MAMDC2: variants seen among roughly 807,000 people sequenced by gnomAD.
MAMDC2 encodes MAM domain-containing protein 2.
MAMDC2 carries 57 observed loss-of-function variants against 89.8 expected under a neutral mutation model. The ratio of observed to expected loss-of-function variants is 0.63; its 90% confidence interval spans 0.51 to 0.79. The LOEUF is 0.79. MAMDC2 is among the 30% of genes least tolerant of loss of function. MAMDC2 has a pLI of 0.00. For synonymous variants in MAMDC2, 313 were observed against 293.4 expected, an observed-to-expected ratio of 1.07 and a Z score of -0.68; for missense variants, 800 against 820.6, an observed-to-expected ratio of 0.97 and a Z score of 0.31.
chr9:70,093,201 C>T (rs1048887137), intron 2 of MAMDC2, among the ~76,000 whole-genome samples: 4 of 152,136 alleles, frequency 2.6e-5, no homozygotes, highest in Non-Finnish European at 4.4e-5. Context: ...GACAGAATTG[C>T]CTTGCACAAT....
At chr9:70,044,463 TCTCCCGCCCC>T in intron 1 of MAMDC2, 111 bp from the exon 2 acceptor site, 1 of 890,066 alleles carries the variant, frequency 1.1e-6, no homozygotes, top group Non-Finnish European at 1.7e-6. Context: ...ACTGCATCCC[TCTCCCGCCCC>T]CTCCCGCTCG....
At chr9:70,123,441 T>C (rs145796255) in intron 5 of MAMDC2, among the ~76,000 whole-genome samples, 13 of 152,300 alleles carry the variant, frequency 8.5e-5, no homozygotes, top group African/African-American at 3.1e-4. Flanking sequence ...ATTCCGATTC[T>C]TCCTTTAAAA....
intron 11 of MAMDC2, among the ~76,000 whole-genome samples, chr9:70,188,981 TCTTC>T (rs2032821673): frequency 6.6e-6 from 1 of 152,108 alleles, no homozygotes; most frequent in African/African-American, 2.4e-5. Flanking sequence ...ATGCTTCATT[TCTTC>T]CTTCCATTAT....
At chr9:70,160,758 C>T (rs930790296) in intron 9 of MAMDC2, among the ~76,000 whole-genome samples, 9 of 152,008 alleles carry the variant, frequency 5.9e-5, no homozygotes, top group South Asian at 4.2e-4. Context: ...ATGGCTGGTT[C>T]GACATTAGCC....
At chr9:70,213,115 G>C (rs992777820) in intron 11 of MAMDC2, among the ~76,000 whole-genome samples, 2 of 152,134 alleles carry the variant, frequency 1.3e-5, no homozygotes, top group South Asian at 4.1e-4. Context: ...GAATAATCCT[G>C]GTCAAGACTT....
chr9:70,084,028 G>A (rs570552866), intron 2 of MAMDC2, among the ~76,000 whole-genome samples: 7 of 151,950 alleles, frequency 4.6e-5, no homozygotes, highest in South Asian at 2.1e-4. Flanking sequence ...TTGTGATCTC[G>A]AGCCATACAA....
Position 70,088,933 on chromosome 9 carries a change from C to A in MAMDC2, c.149-19278C>A, listed in dbSNP as rs186254320. The A allele has an allele frequency of 7.9e-5, 12 of 152,186 alleles. No individual in the cohort carries two copies. The East Asian group carries it at 2.3e-3, about 29-fold the overall frequency. The allele number at this position is 152,186 out of a possible 1,614,324, so 9.4% of individuals were successfully genotyped here. ...ACGTAAAATCTGAGACCATGCTTTACTGAGAATGTACACTACACCAGGAAT... is the reference window on the plus strand; with the variant it reads ...ACGTAAAATCTGAGACCATGCTTTAATGAGAATGTACACTACACCAGGAAT... On this transcript the variant is annotated intron_variant, in intron 2 of 13. Transcript: ENST00000377182.
At chr9:70,172,891 A>C (rs1269679605) in intron 11 of MAMDC2, 1 of 152,728 alleles carries the variant, frequency 6.5e-6, no homozygotes. Flanking sequence ...AGGATGTTAA[A>C]AATATAACTA....
At position 70,118,297 on chromosome 9, in the gene MAMDC2, A is replaced by AACACACACACACACACACACACACAC. The variant is rs6151026; in HGVS notation, c.643+5191_643+5216dup. On this transcript the variant is annotated intron_variant, in intron 5 of 13. Transcript: ENST00000377182. ...CATTCATTAGCCAACATCCCCACTCAACACACACACACACACACACACACA... is the reference window on the plus strand; with the variant it reads ...CATTCATTAGCCAACATCCCCACTCAACACACACACACACACACACACACACACACACACACACACACACACACACA... Among the ~76,000 whole-genome samples the AACACACACACACACACACACACACAC allele has an allele frequency of 8.1e-4, 114 of 140,538 alleles. 1 individual carries two copies. The highest frequency in any genetic ancestry group is 1.2e-3 in the Non-Finnish European group (76 of 65,788). The allele number at this position is 140,538 out of a possible 152,430, so 92.2% of individuals were successfully genotyped here. A position where few individuals can be genotyped will look rare whatever the true frequency, so the allele number is the denominator to read the frequency against.
chr9:70,181,491 A>T (rs909725856), intron 11 of MAMDC2, among the ~76,000 whole-genome samples: 2 of 152,002 alleles, frequency 1.3e-5, no homozygotes, highest in South Asian at 2.1e-4. Context: ...TAAGCATGGA[A>T]TTTTTTTTCC....
At chr9:70,150,729 C>A (rs2031554103) in intron 9 of MAMDC2, among the ~76,000 whole-genome samples, 1 of 152,204 alleles carries the variant, frequency 6.6e-6, no homozygotes, top group Non-Finnish European at 1.5e-5. Flanking sequence ...TCAAACATGT[C>A]TACTTCTCTC....
chr9:70,066,478 A>G (rs1244446323), intron 2 of MAMDC2, among the ~76,000 whole-genome samples: 7 of 152,084 alleles, frequency 4.6e-5, no homozygotes, highest in Non-Finnish European at 1.0e-4. Context: ...AGAATCTCGC[A>G]GGCTGGTGTA....
chr9:70,216,236 TG>T (rs1200914302), intron 11 of MAMDC2: 1 of 152,222 alleles, frequency 6.6e-6, no homozygotes, highest in African/African-American at 2.4e-5. Flanking sequence ...TTGCTTGGGC[TG>T]CCATAACAAA....
chr9:70,212,901 G>T (rs1045671152), intron 11 of MAMDC2, among the ~76,000 whole-genome samples: 6 of 152,174 alleles, frequency 3.9e-5, no homozygotes, highest in African/African-American at 1.4e-4. Flanking sequence ...GATGTGTGTG[G>T]TCCAAAGAAC....
intron 2 of MAMDC2, chr9:70,063,032 G>A (rs924788067): frequency 2.6e-5 from 4 of 152,318 alleles, no homozygotes; most frequent in African/African-American, 4.8e-5. Context: ...GAGGTGGGTG[G>A]ATCACCTGAG....
chr9:70,051,877 CTAGATAGATAGAGATAGATAGA>C (rs1563932132), intron 2 of MAMDC2, among the ~76,000 whole-genome samples: 2 of 144,474 alleles, frequency 1.4e-5, no homozygotes, highest in African/African-American at 5.1e-5. Flanking sequence ...ATTTACCTAT[CTAGATAGATAGAGATAGATAGA>C]TAGATAGATA....
In MAMDC2 at chr9:70,218,592, A is replaced by C. The variant is rs143870423; in HGVS notation, c.1907A>C (p.His636Pro). 8.7e-6 allele frequency: 14 copies of C among 1,603,772 alleles called. No homozygotes were observed. The highest frequency in any genetic ancestry group is 1.2e-5 in the Non-Finnish European group (14 of 1,173,166). Reference sequence around the variant, plus strand: ...ATTGAATACAGCTGTGAGAGGCAACACCAGGTAAGCCAACAGAGATAAGAA... The same window carrying C: ...ATTGAATACAGCTGTGAGAGGCAACCCCAGGTAAGCCAACAGAGATAAGAA... ...ALIEYSCERQ[H>P]QIIFEAIRGV... Residue 636 changes from histidine to proline, a missense_variant, in exon 12 of 14, where the codon CAC becomes CCC. Physicochemically the swap from His to Pro is moderately conservative, Grantham distance 77. Coordinates refer to ENST00000377182, the MANE Select transcript of MAMDC2 (RefSeq NM_153267.5).
At chr9:70,112,844 G>A (rs1828545914) in intron 4 of MAMDC2, 151 bp from the exon 5 acceptor site, 5 of 868,920 alleles carry the variant, frequency 5.8e-6, no homozygotes, top group Middle Eastern at 3.6e-4. Context: ...CTCTCTTCTT[G>A]GCCAAAATTG....
intron 12 of MAMDC2, among the ~76,000 whole-genome samples, chr9:70,220,403 T>A (rs973862306): frequency 2.6e-5 from 4 of 152,192 alleles, no homozygotes; most frequent in African/African-American, 9.6e-5. Context: ...ATCCTCCCCC[T>A]TGGCTTAGAA....
Sources: allele counts gnomAD v4.1 joint callset (sites outside exome capture counted in the v4.1 genomes callset), GRCh38; gene constraint gnomAD v4.1.1; transcripts MANE v1.5; gene names NCBI Gene and HGNC (gene_info 2026-07-23, HGNC 2026-07-21).